SYTL5: variants seen among roughly 807,000 people sequenced by gnomAD.
The protein encoded by SYTL5 is synaptotagmin like 5, also known as synaptotagmin-like protein 5.
In SYTL5, 34 loss-of-function variants were observed where a neutral mutation model predicts 55.9. That is an observed-to-expected ratio of 0.61 (90% confidence interval 0.46 to 0.81). The LOEUF is 0.81. SYTL5 is among the 30% of genes least tolerant of loss of function. The probability of loss-of-function intolerance (pLI) is 0.00; values close to 1 mark genes in which losing one functional copy is unlikely to be tolerated. For missense variants in SYTL5, 637 were observed against 546.7 expected (o/e 1.17, Z -1.65); for synonymous variants, 221 against 188.7 (o/e 1.17, Z -1.40).
the SYTL5 span, among the ~76,000 whole-genome samples, chrX:37,925,209 T>C: frequency 2.7e-5 from 3 of 112,048 alleles, no homozygotes; most frequent in Non-Finnish European, 5.6e-5. Context: ...AAATTTTTAA[T>C]CTTTTCTAAT....
the SYTL5 span, among the ~76,000 whole-genome samples, chrX:37,953,280 A>G: frequency 1.8e-5 from 2 of 111,774 alleles, no homozygotes; most frequent in Non-Finnish European, 3.8e-5. Context: ...AGTCTGGTTG[A>G]AATCATCAAA....
chrX:38,016,950 T>C (rs2147120611), intron 1 of SYTL5, among the ~76,000 whole-genome samples: 1 of 112,322 alleles, frequency 8.9e-6, no homozygotes, highest in South Asian at 3.7e-4. Context: ...CTTCAGGTGG[T>C]CTCCTGCACC....
rs765109693 is a variant in SYTL5 at position 38,128,131 on chromosome X, AG to A, written c.*1402del. ...CTTGAGCTACGAAACTTAGATGCAA[AG>A]AAAGTTAAAGCTAGAAGGAACCTCA... On this transcript the variant is annotated 3_prime_UTR_variant, in exon 17 of 17. Coordinates refer to ENST00000297875, the MANE Select transcript of SYTL5 (RefSeq NM_138780.3). The A allele has an allele frequency of 8.9e-6, 1 of 112,235 alleles. No individual in the cohort carries two copies. Among genetic ancestry groups the A allele is most frequent in the South Asian group, 3.8e-4 (1 of 2,654 alleles). The allele number at this position is 112,235 out of a possible 1,213,427, so 9.2% of individuals were successfully genotyped here. A position where few individuals can be genotyped will look rare whatever the true frequency, so the allele number is the denominator to read the frequency against.
the SYTL5 span, among the ~76,000 whole-genome samples, chrX:37,996,263 C>G: frequency 3.6e-5 from 4 of 112,070 alleles, no homozygotes; most frequent in Non-Finnish European, 7.5e-5. Context: ...TGCCAGATCC[C>G]CCTTCCACAC....
chrX:38,005,686 C>T (rs145519963), upstream of SYTL5, among the ~76,000 whole-genome samples: 1 of 111,059 alleles, frequency 9.0e-6, no homozygotes, highest in East Asian at 2.8e-4. Flanking sequence ...AAAAATGGAA[C>T]AAAACATGTA....
chrX:37,952,776 AT>A, the SYTL5 span, among the ~76,000 whole-genome samples: 1 of 111,452 alleles, frequency 9.0e-6, no homozygotes. Context: ...AGAGAAAATG[AT>A]AGATTCAAGA....
At chrX:38,007,158 T>G (rs1228885226) in intron 1 of SYTL5, among the ~76,000 whole-genome samples, 1 of 111,963 alleles carries the variant, frequency 8.9e-6, no homozygotes, top group Non-Finnish European at 1.9e-5. Flanking sequence ...TGGAATTATT[T>G]AATTGTTTTT....
intron 5 of SYTL5, 132 bp downstream of exon 5, chrX:38,073,830 AC>A: frequency 4.9e-6 from 2 of 411,119 alleles, no homozygotes; most frequent in Non-Finnish European, 8.5e-6. Context: ...ACAAAGTAAC[AC>A]TTTCTTATCA....
intron 1 of SYTL5, among the ~76,000 whole-genome samples, chrX:38,020,408 CATAT>C (rs59575156): frequency 0.12 from 6,907 of 58,249 alleles, 350 homozygotes; most frequent in African/African-American, 0.14. Context: ...TATGTGTGTG[CATAT>C]ATATATATAT....
intron 3 of SYTL5, among the ~76,000 whole-genome samples, chrX:38,061,103 A>T (rs1242520112): frequency 8.9e-6 from 1 of 112,225 alleles, no homozygotes; most frequent in Non-Finnish European, 1.9e-5. Flanking sequence ...ATGCGTTAAA[A>T]TGTCTTAAGG....
the SYTL5 span, among the ~76,000 whole-genome samples, chrX:37,923,058 G>C: frequency 1.8e-5 from 2 of 112,547 alleles, no homozygotes; most frequent in African/African-American, 6.4e-5. Context: ...CTTGGTATCA[G>C]ATATATTGTG....
intron 9 of SYTL5, among the ~76,000 whole-genome samples, chrX:38,100,287 A>G (rs1001542989): frequency 4.5e-5 from 5 of 111,157 alleles, no homozygotes; most frequent in African/African-American, 1.6e-4. Context: ...TTCTCATTTA[A>G]CATCATCAAC....
the SYTL5 span, among the ~76,000 whole-genome samples, chrX:37,968,090 A>G: frequency 1.8e-5 from 2 of 109,986 alleles, no homozygotes; most frequent in Non-Finnish European, 3.8e-5. Flanking sequence ...TATGATGGTT[A>G]TTTTGATTTC....
the SYTL5 span, among the ~76,000 whole-genome samples, chrX:37,962,611 AT>A: frequency 3.6e-5 from 4 of 111,907 alleles, no homozygotes; most frequent in East Asian, 5.6e-4. Context: ...GCTGGGTCAA[AT>A]GGTATTTCTA....
At chrX:37,923,575 A>G in the SYTL5 span, among the ~76,000 whole-genome samples, 3 of 110,283 alleles carry the variant, frequency 2.7e-5, no homozygotes, top group Admixed American at 2.0e-4. Context: ...ATATCTGTGT[A>G]TATATATACA....
the SYTL5 span, among the ~76,000 whole-genome samples, chrX:37,986,552 C>T: frequency 8.9e-6 from 1 of 112,157 alleles, no homozygotes; most frequent in Non-Finnish European, 1.9e-5. Context: ...TTGTGGATTT[C>T]ATTTCTGCCT....
chrX:38,008,258 T>G (rs1602296504), intron 1 of SYTL5, among the ~76,000 whole-genome samples: 1 of 111,864 alleles, frequency 8.9e-6, no homozygotes, highest in East Asian at 2.8e-4. Context: ...TACATTCATA[T>G]CTTACTTGTC....
chrX:38,112,752 G>C (rs940784047), intron 13 of SYTL5, among the ~76,000 whole-genome samples: 4 of 111,970 alleles, frequency 3.6e-5, no homozygotes, highest in Non-Finnish European at 5.6e-5. Flanking sequence ...CTGTGTGGTT[G>C]ATTATCAGCC....
At chrX:38,097,267 T>C (rs1037020191) in intron 9 of SYTL5, among the ~76,000 whole-genome samples, 2 of 110,472 alleles carry the variant, frequency 1.8e-5, no homozygotes, top group Non-Finnish European at 3.8e-5. Flanking sequence ...TTTATATCAA[T>C]ATACTAAAGA....
Sources: allele counts gnomAD v4.1 joint callset (sites outside exome capture counted in the v4.1 genomes callset), GRCh38; gene constraint gnomAD v4.1.1; transcripts MANE v1.5; gene names NCBI Gene and HGNC (gene_info 2026-07-23, HGNC 2026-07-21).